CCSER1: variants seen among roughly 807,000 people sequenced by gnomAD.
CCSER1 encodes the protein coiled-coil serine rich protein 1, also known as serine-rich coiled-coil domain-containing protein 1.
A neutral mutation model predicts 82.0 loss-of-function variants in CCSER1; 41 were observed. That is an observed-to-expected ratio of 0.50 (90% CI 0.39 to 0.65). The LOEUF is 0.65. Among genes scored for constraint, CCSER1 ranks in the 30% least tolerant of loss-of-function variants. The pLI is 0.00. For synonymous variants in CCSER1, 414 were observed against 383.9 expected, an observed-to-expected ratio of 1.08 and a Z score of -0.92; for missense variants, 1,119 against 1,064.2, an observed-to-expected ratio of 1.05 and a Z score of -0.72.
intron 8 of CCSER1, among the ~76,000 whole-genome samples, chr4:90,862,107 A>C (rs888702001): frequency 6.6e-6 from 1 of 151,758 alleles, no homozygotes. Context: ...AATTAAAAAC[A>C]TAAAAACTTT....
At chr4:90,200,271 A>G (rs993020155) in intron 1 of CCSER1, among the ~76,000 whole-genome samples, 9 of 152,062 alleles carry the variant, frequency 5.9e-5, no homozygotes, top group Admixed American at 1.3e-4. Context: ...CCTGCCTCAT[A>G]TTTAATTCTT....
At chr4:90,245,270 A>T (rs1721212459) in intron 1 of CCSER1, among the ~76,000 whole-genome samples, 1 of 152,232 alleles carries the variant, frequency 6.6e-6, no homozygotes, top group Non-Finnish European at 1.5e-5. Context: ...ACATTTAAAA[A>T]ATAATTTTCA....
At chr4:90,379,205 G>A (rs1748832194) in intron 3 of CCSER1, among the ~76,000 whole-genome samples, 1 of 152,084 alleles carries the variant, frequency 6.6e-6, no homozygotes, top group Non-Finnish European at 1.5e-5. Flanking sequence ...CTTCTATATT[G>A]TGACTCAGAG....
chr4:90,936,430 T>C (rs1021285534), intron 9 of CCSER1, among the ~76,000 whole-genome samples: 2 of 152,144 alleles, frequency 1.3e-5, no homozygotes, highest in African/African-American at 4.8e-5. Flanking sequence ...TTCCTTGCAG[T>C]TGTCTTCATG....
At chr4:91,475,200 A>G (rs1344447523) in intron 10 of CCSER1, among the ~76,000 whole-genome samples, 1 of 151,326 alleles carries the variant, frequency 6.6e-6, no homozygotes, top group African/African-American at 2.4e-5. Flanking sequence ...TGTGTGTTTA[A>G]TGTGGATTAA....
At chr4:90,688,113 A>T (rs1389897906) in intron 6 of CCSER1, among the ~76,000 whole-genome samples, 1 of 152,098 alleles carries the variant, frequency 6.6e-6, no homozygotes, top group Non-Finnish European at 1.5e-5. Flanking sequence ...AGTAGCAAAT[A>T]TTAGTTTGTG....
intron 10 of CCSER1, among the ~76,000 whole-genome samples, chr4:91,208,280 G>A (rs1736512229): frequency 6.6e-6 from 1 of 151,676 alleles, no homozygotes; most frequent in Non-Finnish European, 1.5e-5. Flanking sequence ...GCTTTTGATG[G>A]TTTTGTCATG....
intron 3 of CCSER1, among the ~76,000 whole-genome samples, chr4:90,389,146 T>G (rs1750568853): frequency 6.6e-6 from 1 of 152,204 alleles, no homozygotes; most frequent in African/African-American, 2.4e-5. Context: ...TTTAACAAGT[T>G]AATGTATTAG....
At chr4:90,734,442 T>A (rs1001488368) in intron 7 of CCSER1, among the ~76,000 whole-genome samples, 2 of 152,222 alleles carry the variant, frequency 1.3e-5, no homozygotes, top group African/African-American at 4.8e-5. Flanking sequence ...TTCTTCCAAT[T>A]TATGAATCTA....
chr4:90,913,671 G>C (rs1726803139), intron 8 of CCSER1, among the ~76,000 whole-genome samples: 1 of 152,126 alleles, frequency 6.6e-6, no homozygotes, highest in South Asian at 2.1e-4. Flanking sequence ...TGGGCTAAAT[G>C]CTCCAACTGA....
chr4:90,846,686 A>G (rs1561239449), intron 8 of CCSER1, among the ~76,000 whole-genome samples: 1 of 151,944 alleles, frequency 6.6e-6, no homozygotes, highest in East Asian at 1.9e-4. Flanking sequence ...AACTAACTGT[A>G]TTTTTGTACC....
At chr4:90,540,776 C>T (rs1300148309) in intron 5 of CCSER1, among the ~76,000 whole-genome samples, 5 of 151,932 alleles carry the variant, frequency 3.3e-5, no homozygotes, top group Non-Finnish European at 7.4e-5. Flanking sequence ...GAGTCTTAGG[C>T]AAGTTGCATA....
chr4:90,957,253 C>CCA (rs58828538), intron 9 of CCSER1, among the ~76,000 whole-genome samples: 9 of 146,240 alleles, frequency 6.2e-5, no homozygotes, highest in Admixed American at 1.4e-4. Context: ...AGGCCCCCCC[C>CCA]ACCACGTCCA....
rs371538520 is a variant in CCSER1 at position 90,932,903 on chromosome 4, A to G, written c.2172+9456A>G. Among the ~76,000 whole-genome samples the G allele has an allele frequency of 7.3e-5, 5 of 68,954 alleles. 1 individual carries two copies. The highest frequency in any genetic ancestry group is 1.7e-4 in the Admixed American group (1 of 5,716). 45.2% of individuals were successfully genotyped at this position (68,954 alleles called of 152,430 possible). On this transcript the variant is annotated intron_variant, in intron 9 of 10. Coordinates refer to ENST00000509176, the MANE Select transcript of CCSER1 (RefSeq NM_001145065.2). ...GAAGGAAAGAAAGAAGGAAGGAGAA[A>G]GAAGGAGAAAGAAAGAAAGAAAGAA...
At chr4:90,291,355 G>A (rs1003751628) in intron 1 of CCSER1, among the ~76,000 whole-genome samples, 15 of 151,992 alleles carry the variant, frequency 9.9e-5, no homozygotes, top group Middle Eastern at 3.4e-3. Context: ...ATAGTTGGTC[G>A]CCAAGGCAGA....
At chr4:90,206,925 C>T (rs554198813) in intron 1 of CCSER1, among the ~76,000 whole-genome samples, 18 of 151,964 alleles carry the variant, frequency 1.2e-4, no homozygotes, top group African/African-American at 2.2e-4. Context: ...ATCCCTTTAC[C>T]GTTATTTAAT....
intron 10 of CCSER1, among the ~76,000 whole-genome samples, chr4:91,470,839 C>G (rs1178971720): frequency 6.6e-6 from 1 of 152,072 alleles, no homozygotes; most frequent in Non-Finnish European, 1.5e-5. Context: ...ATTCCCTCTT[C>G]CCCCCACAAA....
At chr4:90,324,849 A>C (rs1737844901) in intron 3 of CCSER1, among the ~76,000 whole-genome samples, 2 of 152,140 alleles carry the variant, frequency 1.3e-5, no homozygotes, top group African/African-American at 4.8e-5. Context: ...ATTTTTGTAT[A>C]AGGTGTAAGG....
intron 7 of CCSER1, among the ~76,000 whole-genome samples, chr4:90,771,347 A>G (rs1255877544): frequency 6.6e-6 from 1 of 151,792 alleles, no homozygotes; most frequent in African/African-American, 2.4e-5. Context: ...ATCTTTTTTT[A>G]GACAATATTA....
Sources: gnomAD v4.1 joint callset for allele counts (sites outside exome capture counted in the v4.1 genomes callset) on GRCh38, gnomAD v4.1.1 for gene constraint, MANE v1.5 for transcripts, NCBI Gene and HGNC (gene_info 2026-07-23, HGNC 2026-07-21) for gene names.